The following ZNF804B variants were observed in gnomAD, a reference collection of about 807,000 sequenced individuals.
ZNF804B encodes zinc finger protein 804B.
ZNF804B carries 80 observed loss-of-function variants against 101.4 expected under a neutral mutation model. That is an observed-to-expected ratio of 0.79 (90% CI 0.66 to 0.95). The LOEUF (loss-of-function observed/expected upper bound fraction) is 0.95, where lower values mean the gene tolerates loss of function less well. Among genes scored for constraint, ZNF804B ranks in the 40% least tolerant of loss-of-function variants. The pLI is 0.00. For missense variants in ZNF804B, 1,673 were observed against 1,561.9 expected (o/e 1.07, Z -1.20); for synonymous variants, 622 against 558.8 (o/e 1.11, Z -1.59).
rs1791402778 is a variant in ZNF804B, at chr7:88,848,199, A to G, written c.108+88115A>G. On this transcript the variant is annotated intron_variant, in intron 1 of 3. Coordinates refer to ENST00000333190, the MANE Select transcript of ZNF804B (RefSeq NM_181646.5). ...TCCACAGCAAATAATTACCTAGGCC[A>G]AAATGTCAATAACATCAAGGTTGAG... 2.0e-5 allele frequency among the ~76,000 whole-genome samples: 3 copies of G among 152,184 alleles called. No homozygotes were observed. In the South Asian group the frequency reaches 6.2e-4, roughly 32 times the overall value.
chr7:88,989,349 A>G (rs1193361881), intron 1 of ZNF804B, among the ~76,000 whole-genome samples: 1 of 152,094 alleles, frequency 6.6e-6, no homozygotes, highest in Non-Finnish European at 1.5e-5. Flanking sequence ...TTTTGTTCAT[A>G]TTAGGAGAGA....
intron 1 of ZNF804B, among the ~76,000 whole-genome samples, chr7:89,205,245 G>T (rs1177952609): frequency 6.6e-6 from 1 of 152,052 alleles, no homozygotes. Context: ...ATTTGGGTGG[G>T]GACACAGAGC....
Position 88,929,712 on chromosome 7 carries a change from C to T in ZNF804B, c.108+169628C>T, listed in dbSNP as rs547810299. Among the ~76,000 whole-genome samples, 5 of 151,908 alleles carry T rather than the reference C, an allele frequency of 3.3e-5. No individual in the cohort carries two copies. In the South Asian group the frequency reaches 1.0e-3, roughly 31 times the overall value. On this transcript the variant is annotated intron_variant, in intron 1 of 3. Coordinates refer to ENST00000333190, the MANE Select transcript of ZNF804B (RefSeq NM_181646.5). Reference sequence around the variant, plus strand: ...ACTGTTAGTCTTTGAACAACAACAACAAAAATCTCTGAAAAATAATCTGAG... The same window carrying T: ...ACTGTTAGTCTTTGAACAACAACAATAAAAATCTCTGAAAAATAATCTGAG...
intron 1 of ZNF804B, among the ~76,000 whole-genome samples, chr7:88,936,938 A>G (rs986193862): frequency 2.0e-5 from 3 of 152,058 alleles, no homozygotes; most frequent in African/African-American, 7.2e-5. Flanking sequence ...AGCTAGACTG[A>G]AAAATATAGC....
intron 1 of ZNF804B, among the ~76,000 whole-genome samples, chr7:88,984,833 C>T (rs1456399549): frequency 1.3e-5 from 2 of 151,914 alleles, no homozygotes; most frequent in Non-Finnish European, 2.9e-5. Flanking sequence ...ATGTCAATAT[C>T]CCTGATTCAA....
intron 1 of ZNF804B, among the ~76,000 whole-genome samples, chr7:88,768,261 CACTTAA>C (rs1445180497): frequency 1.3e-5 from 2 of 152,094 alleles, no homozygotes; most frequent in African/African-American, 4.8e-5. Flanking sequence ...ATTTAAAAAC[CACTTAA>C]ACTTAATGAA....
chr7:88,982,803 C>A (rs1181880243), intron 1 of ZNF804B, among the ~76,000 whole-genome samples: 1 of 152,002 alleles, frequency 6.6e-6, no homozygotes, highest in Non-Finnish European at 1.5e-5. Flanking sequence ...AACAGCACAA[C>A]CCACCTTGGC....
chr7:88,883,828 T>TC (rs1562822250), intron 1 of ZNF804B, among the ~76,000 whole-genome samples: 5 of 151,432 alleles, frequency 3.3e-5, no homozygotes, highest in Admixed American at 3.3e-4. Flanking sequence ...GTTTAAGTAA[T>TC]AGTGTAGTTA....
At chr7:88,986,169 CT>C (rs2116143313) in intron 1 of ZNF804B, among the ~76,000 whole-genome samples, 2 of 152,158 alleles carry the variant, frequency 1.3e-5, no homozygotes, top group East Asian at 3.9e-4. Context: ...ATCTAAATTT[CT>C]TCTGCTTTTC....
At chr7:89,029,055 A>G (rs1056965932) in intron 1 of ZNF804B, among the ~76,000 whole-genome samples, 2 of 152,174 alleles carry the variant, frequency 1.3e-5, no homozygotes, top group African/African-American at 4.8e-5. Flanking sequence ...GTGCTTATGA[A>G]CAAATGAATG....
chr7:89,175,134 G>GCTTGTAGGGTATTA (rs145999626), intron 1 of ZNF804B, among the ~76,000 whole-genome samples: 2 of 151,570 alleles, frequency 1.3e-5, no homozygotes, highest in Admixed American at 1.3e-4. Flanking sequence ...GGTTGCCTGT[G>GCTTGTAGGGTATTA]CTCAATAAAT....
At chr7:89,030,163 C>A (rs1788807951) in intron 1 of ZNF804B, among the ~76,000 whole-genome samples, 1 of 152,070 alleles carries the variant, frequency 6.6e-6, no homozygotes, top group African/African-American at 2.4e-5. Flanking sequence ...AAGTCTGGGT[C>A]CCAGACTGAT....
At chr7:89,183,152 C>T (rs1053945936) in intron 1 of ZNF804B, among the ~76,000 whole-genome samples, 40 of 151,920 alleles carry the variant, frequency 2.6e-4, no homozygotes, top group African/African-American at 9.2e-4. Flanking sequence ...GATAGCATTC[C>T]TGGAAGAAGA....
chr7:89,278,257 G>A (rs932182413), intron 2 of ZNF804B, among the ~76,000 whole-genome samples: 20 of 151,844 alleles, frequency 1.3e-4, no homozygotes, highest in African/African-American at 3.9e-4. Context: ...TTAACCCTTT[G>A]TCAGATGAGT....
rs188563416 is a variant in ZNF804B at position 89,213,594 on chromosome 7, G to C, written c.109-4561G>C. Among the ~76,000 whole-genome samples, 22 of 152,204 alleles carry C rather than the reference G, an allele frequency of 1.4e-4. No homozygotes were observed. The East Asian group carries it at 1.7e-3, about 12-fold the overall frequency. The stretch of plus-strand genomic sequence containing the variant: ...TTATGCATTTTTAAAATTATAATTA[G>C]TTCTCTCACTCTTCCTGGGAGTTAA... On this transcript the variant is annotated intron_variant, in intron 1 of 3. Coordinates refer to ENST00000333190, the MANE Select transcript of ZNF804B (RefSeq NM_181646.5).
chr7:88,957,318 A>G (rs146875045), intron 1 of ZNF804B, among the ~76,000 whole-genome samples: 5 of 151,542 alleles, frequency 3.3e-5, no homozygotes, highest in African/African-American at 1.2e-4. Flanking sequence ...TGGATTGACA[A>G]CCATTGCATT....
chr7:88,985,929 A>G (rs552423868), intron 1 of ZNF804B, among the ~76,000 whole-genome samples: 4 of 152,240 alleles, frequency 2.6e-5, no homozygotes, highest in African/African-American at 7.2e-5. Context: ...CTTTCTTCTA[A>G]TAGGAACCAA....
intron 1 of ZNF804B, among the ~76,000 whole-genome samples, chr7:89,164,074 A>G (rs1056310997): frequency 1.3e-5 from 2 of 151,994 alleles, no homozygotes; most frequent in African/African-American, 4.8e-5. Context: ...AGCATTCTTC[A>G]AGGGTTTTAA....
At chr7:88,998,830 A>T (rs528630436) in intron 1 of ZNF804B, among the ~76,000 whole-genome samples, 1 of 152,180 alleles carries the variant, frequency 6.6e-6, no homozygotes, top group African/African-American at 2.4e-5. Context: ...TAATGCACAA[A>T]GTGCTTTGGC....
Sources: gnomAD v4.1 joint callset for allele counts (sites outside exome capture counted in the v4.1 genomes callset) on GRCh38, gnomAD v4.1.1 for gene constraint, MANE v1.5 for transcripts, NCBI Gene and HGNC (gene_info 2026-07-23, HGNC 2026-07-21) for gene names.